CALN1: variants seen among roughly 807,000 people sequenced by gnomAD.
CALN1 encodes calcium-binding protein 8.
CALN1 carries 17 observed loss-of-function variants against 30.6 expected under a neutral mutation model. That is an observed-to-expected ratio of 0.56 (90% CI 0.38 to 0.83). The LOEUF (loss-of-function observed/expected upper bound fraction) is 0.83. CALN1 is among the 40% of genes least tolerant of loss of function. CALN1 has a pLI of 0.00. For synonymous variants in CALN1, 156 were observed against 131.4 expected, an observed-to-expected ratio of 1.19 and a Z score of -1.28; for missense variants, 291 against 354.9, an observed-to-expected ratio of 0.82 and a Z score of 1.45.
At chr7:72,384,611 T>C (rs1443404597) in intron 2 of CALN1, among the ~76,000 whole-genome samples, 2 of 151,526 alleles carry the variant, frequency 1.3e-5, no homozygotes, top group Admixed American at 6.6e-5. Flanking sequence ...GCTACTGCAC[T>C]CCAGCCTGGG....
At chr7:72,010,968 C>A (rs1216687808) in intron 5 of CALN1, among the ~76,000 whole-genome samples, 1 of 151,836 alleles carries the variant, frequency 6.6e-6, no homozygotes, top group Non-Finnish European at 1.5e-5. Flanking sequence ...TCCTGGCCAA[C>A]ACAGTGAAAC....
intron 5 of CALN1, among the ~76,000 whole-genome samples, chr7:71,998,250 G>A (rs757641944): frequency 2.3e-4 from 35 of 152,188 alleles, no homozygotes; most frequent in Middle Eastern, 3.4e-3. Context: ...TGCCCTAAAA[G>A]AAGTTCTTCA....
At chr7:71,935,194 G>C (rs922209360) in intron 5 of CALN1, among the ~76,000 whole-genome samples, 1 of 152,174 alleles carries the variant, frequency 6.6e-6, no homozygotes, top group Non-Finnish European at 1.5e-5. Flanking sequence ...CCAAGGCAAT[G>C]ATGAGGCTTT....
chr7:72,108,641 G>A (rs566202363), intron 3 of CALN1, among the ~76,000 whole-genome samples: 7 of 151,986 alleles, frequency 4.6e-5, no homozygotes, highest in Non-Finnish European at 8.8e-5. Flanking sequence ...CCCTTAGGCA[G>A]ACTCCTGCCT....
At chr7:72,355,992 T>C (rs938979259) in intron 2 of CALN1, among the ~76,000 whole-genome samples, 2 of 152,210 alleles carry the variant, frequency 1.3e-5, no homozygotes, top group African/African-American at 4.8e-5. Flanking sequence ...AAATTATGGT[T>C]GTACAAAAGG....
chr7:72,089,011 T>C (rs1584918284), intron 4 of CALN1, among the ~76,000 whole-genome samples: 1 of 151,756 alleles, frequency 6.6e-6, no homozygotes, highest in East Asian at 1.9e-4. Flanking sequence ...AGAAAACGAG[T>C]TAAGTATAGC....
intron 5 of CALN1, among the ~76,000 whole-genome samples, chr7:71,892,421 G>C (rs1031353658): frequency 6.6e-6 from 1 of 152,152 alleles, no homozygotes; most frequent in Non-Finnish European, 1.5e-5. Context: ...CGGATTACTT[G>C]AGGCCAGGAG....
chr7:72,413,120 C>A (rs1423117382), upstream of CALN1, among the ~76,000 whole-genome samples: 1 of 152,112 alleles, frequency 6.6e-6, no homozygotes, highest in Non-Finnish European at 1.5e-5. Flanking sequence ...CACATATGCA[C>A]ACATACACTC....
intron 3 of CALN1, among the ~76,000 whole-genome samples, chr7:72,248,217 C>T (rs949554521): frequency 2.0e-5 from 3 of 152,098 alleles, no homozygotes; most frequent in Non-Finnish European, 4.4e-5. Context: ...CAGGTTCAAG[C>T]AATTCTCCTG....
At chr7:72,262,456 G>A (rs987438083) in intron 3 of CALN1, among the ~76,000 whole-genome samples, 4 of 152,196 alleles carry the variant, frequency 2.6e-5, no homozygotes, top group African/African-American at 7.2e-5. Flanking sequence ...CACCCAAACA[G>A]TTAACACAGT....
intron 3 of CALN1, among the ~76,000 whole-genome samples, chr7:72,142,642 C>T (rs549343297): frequency 2.6e-5 from 4 of 152,266 alleles, no homozygotes; most frequent in South Asian, 2.1e-4. Context: ...TCTCCCAGCA[C>T]GGAGCTTGAG....
intron 5 of CALN1, among the ~76,000 whole-genome samples, chr7:71,933,971 G>A (rs1293175661): frequency 2.0e-5 from 3 of 152,176 alleles, no homozygotes; most frequent in African/African-American, 4.8e-5. Flanking sequence ...ATGTATGTAC[G>A]TGCAAAGGAA....
In CALN1 at chr7:72,154,994, C is replaced by T. The variant is rs533279318; in HGVS notation, c.245-48700G>A. On this transcript the variant is annotated intron_variant, in intron 3 of 6. Coordinates refer to ENST00000395275, the MANE Select transcript of CALN1 (RefSeq NM_031468.4). The stretch of plus-strand genomic sequence containing the variant: ...ATTGCTTGAGCCCAGGAGTCGGAGG[C>T]TGCAGTGAGCTATGATCACACCACT... Among the ~76,000 whole-genome samples the T allele has an allele frequency of 2.0e-5, 3 of 151,468 alleles. No individual in the cohort carries two copies. In the East Asian group the frequency reaches 5.9e-4, roughly 30 times the overall value.
the CALN1 span, among the ~76,000 whole-genome samples, chr7:72,482,583 T>TACTA: frequency 6.6e-6 from 1 of 152,156 alleles, no homozygotes; most frequent in Non-Finnish European, 1.5e-5. Flanking sequence ...CTTCAAATGA[T>TACTA]ACTATACCAC....
chr7:72,055,469 G>A (rs1803191769), intron 4 of CALN1, among the ~76,000 whole-genome samples: 1 of 152,060 alleles, frequency 6.6e-6, no homozygotes, highest in Non-Finnish European at 1.5e-5. Flanking sequence ...AGTTAACTGG[G>A]AAATACACAA....
At chr7:72,328,949 G>A (rs1470063554) in intron 2 of CALN1, among the ~76,000 whole-genome samples, 2 of 152,324 alleles carry the variant, frequency 1.3e-5, no homozygotes, top group African/African-American at 4.8e-5. Flanking sequence ...CAACCATCTC[G>A]GCCTCCCAAA....
chr7:71,944,016 C>T (rs200939436), intron 5 of CALN1, among the ~76,000 whole-genome samples: 2 of 152,100 alleles, frequency 1.3e-5, no homozygotes, highest in East Asian at 3.9e-4. Context: ...CTGACATTCC[C>T]CAAATCTGCA....
chr7:71,804,582 G>A (rs1050449242), intron 6 of CALN1, among the ~76,000 whole-genome samples: 1 of 152,220 alleles, frequency 6.6e-6, no homozygotes, highest in African/African-American at 2.4e-5. Flanking sequence ...ACTTTGGGAG[G>A]CCAGGGTGGG....
At chr7:72,154,619 CCTCTGTGTCTCCCT>C (rs376988159) in intron 3 of CALN1, among the ~76,000 whole-genome samples, 15 of 152,192 alleles carry the variant, frequency 9.9e-5, no homozygotes, top group African/African-American at 3.6e-4. Flanking sequence ...CCACAGAGGG[CCTCTGTGTCTCCCT>C]CTACTAAAAC....
Sources: gnomAD v4.1 joint callset for allele counts (sites outside exome capture counted in the v4.1 genomes callset) on GRCh38, gnomAD v4.1.1 for gene constraint, MANE v1.5 for transcripts, NCBI Gene and HGNC (gene_info 2026-07-23, HGNC 2026-07-21) for gene names.